Variants in KLF12 observed in about 807,000 individuals in gnomAD.
KLF12 encodes the protein KLF transcription factor 12, also known as Krueppel-like factor 12.
A neutral mutation model predicts 37.8 loss-of-function variants in KLF12; 9 were observed. The ratio of observed to expected loss-of-function variants is 0.24; its 90% CI spans 0.14 to 0.42. The LOEUF (loss-of-function observed/expected upper bound fraction) is 0.42. KLF12 is among the 10% of genes least tolerant of loss of function. The probability of loss-of-function intolerance (pLI) is 1.00; values close to 1 mark genes in which losing one functional copy is unlikely to be tolerated. For missense variants in KLF12, 411 were observed against 516.0 expected, an observed-to-expected ratio of 0.80 and a Z score of 1.97; for synonymous variants, 208 against 202.1, an observed-to-expected ratio of 1.03 and a Z score of -0.25.
intron 3 of KLF12, among the ~76,000 whole-genome samples, chr13:73,867,047 G>A (rs951255797): frequency 1.2e-4 from 19 of 152,034 alleles, no homozygotes; most frequent in African/African-American, 4.6e-4. Context: ...AGAAGGTAGG[G>A]AAAGGAAATT....
intron 4 of KLF12, among the ~76,000 whole-genome samples, chr13:73,833,021 C>T (rs1884245986): frequency 2.0e-5 from 3 of 152,192 alleles, no homozygotes; most frequent in Admixed American, 6.5e-5. Context: ...TCATACTCCA[C>T]AGTTTTCAGA....
intron 6 of KLF12, among the ~76,000 whole-genome samples, chr13:73,725,273 G>C (rs906206333): frequency 6.6e-6 from 1 of 151,984 alleles, no homozygotes; most frequent in Admixed American, 6.6e-5. Flanking sequence ...GCTAATTTTT[G>C]TATGTTTAGT....
chr13:74,083,503 C>G (rs940758054), intron 1 of KLF12, among the ~76,000 whole-genome samples: 2 of 141,210 alleles, frequency 1.4e-5, no homozygotes, highest in African/African-American at 5.3e-5. Flanking sequence ...GACACACACA[C>G]ACACACACAC....
At chr13:73,927,916 G>A (rs1889477381) in intron 3 of KLF12, among the ~76,000 whole-genome samples, 1 of 150,792 alleles carries the variant, frequency 6.6e-6, no homozygotes, top group Non-Finnish European at 1.5e-5. Context: ...GGAGTGCAGT[G>A]GCATGATCTC....
the KLF12 span, among the ~76,000 whole-genome samples, chr13:74,232,498 A>G: frequency 1.9e-4 from 29 of 152,128 alleles, no homozygotes; most frequent in Non-Finnish European, 3.5e-4. Flanking sequence ...TGTTCTTGTC[A>G]TATCTTTTTC....
intron 6 of KLF12, among the ~76,000 whole-genome samples, chr13:73,738,102 TATATATATATATATATATATATACAC>T (rs1877618701): frequency 1.0e-5 from 1 of 98,568 alleles, no homozygotes; most frequent in African/African-American, 4.4e-5. Context: ...CATATATATA[TATATATATATATATATATATATACAC>T]ACACACACAT....
At chr13:73,721,167 A>T (rs916858564) in intron 6 of KLF12, among the ~76,000 whole-genome samples, 1 of 152,214 alleles carries the variant, frequency 6.6e-6, no homozygotes, top group Non-Finnish European at 1.5e-5. Flanking sequence ...TTTACAGATG[A>T]GGAAACTGAG....
At chr13:74,010,741 G>A (rs1305928754) in intron 1 of KLF12, among the ~76,000 whole-genome samples, 1 of 151,850 alleles carries the variant, frequency 6.6e-6, no homozygotes. Context: ...AACCTCTCTG[G>A]GTAGTCTATA....
chr13:73,907,740 G>A (rs1888371019), intron 3 of KLF12, among the ~76,000 whole-genome samples: 1 of 152,016 alleles, frequency 6.6e-6, no homozygotes, highest in South Asian at 2.1e-4. Flanking sequence ...ATACTTCACT[G>A]GTCTTTCGAC....
chr13:74,071,522 TA>T (rs5804716), intron 1 of KLF12, among the ~76,000 whole-genome samples: 129,994 of 149,040 alleles, frequency 0.87, 58,297 homozygotes, highest in East Asian at 1. Context: ...CCGTCTCTAC[TA>T]AAAAAAAAAA....
the KLF12 span, among the ~76,000 whole-genome samples, chr13:74,215,187 C>T: frequency 1.3e-5 from 2 of 151,982 alleles, no homozygotes; most frequent in African/African-American, 4.8e-5. Flanking sequence ...TCGAACCCAC[C>T]TTTTAATTAT....
intron 1 of KLF12, among the ~76,000 whole-genome samples, chr13:74,060,711 T>G (rs143883983): frequency 1.2e-3 from 185 of 152,290 alleles, no homozygotes; most frequent in African/African-American, 4.0e-3. Flanking sequence ...ATGCCATCAG[T>G]GAACAGAGAT....
chr13:73,699,830 T>C (rs1331179275), intron 7 of KLF12, among the ~76,000 whole-genome samples: 1 of 152,054 alleles, frequency 6.6e-6, no homozygotes, highest in Non-Finnish European at 1.5e-5. Flanking sequence ...TCTGAGCCCA[T>C]AAATGTAGAG....
chr13:73,749,819 T>A (rs145978714), intron 6 of KLF12, among the ~76,000 whole-genome samples: 1 of 152,292 alleles, frequency 6.6e-6, no homozygotes, highest in East Asian at 1.9e-4. Flanking sequence ...AAAGCATGAA[T>A]AAAAGTGGTT....
chr13:73,703,879 A>C (rs1874733811), intron 7 of KLF12, among the ~76,000 whole-genome samples: 3 of 152,214 alleles, frequency 2.0e-5, no homozygotes, highest in Admixed American at 2.0e-4. Flanking sequence ...GCTACTACTC[A>C]CAGGACAGAC....
the KLF12 span, among the ~76,000 whole-genome samples, chr13:74,178,140 G>T: frequency 6.6e-6 from 1 of 152,130 alleles, no homozygotes; most frequent in Non-Finnish European, 1.5e-5. Context: ...TTGCCTTATG[G>T]TCATCAGCCA....
the KLF12 span, among the ~76,000 whole-genome samples, chr13:74,160,116 T>G: frequency 0.037 from 5,600 of 152,280 alleles, 127 homozygotes; most frequent in Middle Eastern, 0.1. Context: ...ATTTGGCTTA[T>G]GAATACTTTG....
chr13:74,183,600 T>TA, the KLF12 span, among the ~76,000 whole-genome samples: 3,605 of 151,148 alleles, frequency 0.024, 146 homozygotes, highest in African/African-American at 0.08. Flanking sequence ...TTTGTAAAAA[T>TA]AAAAAAAAAT....
chr13:73,837,300 G>A (rs1241737071), intron 4 of KLF12, among the ~76,000 whole-genome samples: 1 of 152,134 alleles, frequency 6.6e-6, no homozygotes, highest in African/African-American at 2.4e-5. Flanking sequence ...CCCTGCGCCA[G>A]TTATTATCAT....
Sources: gnomAD v4.1 joint callset for allele counts (sites outside exome capture counted in the v4.1 genomes callset) on GRCh38, gnomAD v4.1.1 for gene constraint, MANE v1.5 for transcripts, NCBI Gene and HGNC (gene_info 2026-07-23, HGNC 2026-07-21) for gene names.